The following PALM2AKAP2 variants were observed in gnomAD, a reference collection of about 807,000 sequenced individuals.
The protein encoded by PALM2AKAP2 is PALM2 and AKAP2 fusion, also known as PALM2-AKAP2 fusion protein.
A neutral mutation model predicts 71.5 loss-of-function variants in PALM2AKAP2; 37 were observed. The ratio of observed to expected loss-of-function variants is 0.52; its 90% CI spans 0.40 to 0.68. The LOEUF (loss-of-function observed/expected upper bound fraction) is 0.68, where lower values mean the gene tolerates loss of function less well. Ranked by LOEUF, PALM2AKAP2 falls within the 30% of genes least tolerant of loss-of-function variation. The pLI, the probability that PALM2AKAP2 is intolerant of heterozygous loss-of-function variation, is 0.00. For missense variants in PALM2AKAP2, 1,224 were observed against 1,191.8 expected, an observed-to-expected ratio of 1.03 and a Z score of -0.40; for synonymous variants, 468 against 478.8, an observed-to-expected ratio of 0.98 and a Z score of 0.29.
intron 1 of PALM2AKAP2, among the ~76,000 whole-genome samples, chr9:109,706,277 G>T (rs1032412931): frequency 2.0e-5 from 3 of 152,198 alleles, no homozygotes; most frequent in African/African-American, 7.2e-5. Context: ...TAATAATGAT[G>T]ATGATGGTAG....
At chr9:109,985,614 C>T (rs1333664890) in intron 6 of PALM2AKAP2, among the ~76,000 whole-genome samples, 3 of 73,796 alleles carry the variant, frequency 4.1e-5, no homozygotes, top group Admixed American at 1.6e-4. Context: ...AACGAGACTC[C>T]GTCTCAAAAA....
At chr9:109,687,654 G>A (rs1827823898) in intron 1 of PALM2AKAP2, among the ~76,000 whole-genome samples, 1 of 152,184 alleles carries the variant, frequency 6.6e-6, no homozygotes, top group Non-Finnish European at 1.5e-5. Context: ...CTTGATATCA[G>A]CAATAAGACT....
At chr9:109,842,741 G>A (rs180951407) in intron 1 of PALM2AKAP2, among the ~76,000 whole-genome samples, 1 of 152,278 alleles carries the variant, frequency 6.6e-6, no homozygotes, top group Admixed American at 6.5e-5. Flanking sequence ...AAGGTCAGGT[G>A]CAGTGGCTCA....
intron 6 of PALM2AKAP2, among the ~76,000 whole-genome samples, chr9:109,960,049 C>G (rs574264095): frequency 2.6e-5 from 4 of 152,160 alleles, no homozygotes; most frequent in African/African-American, 7.2e-5. Flanking sequence ...TCCATCACCC[C>G]CCTCCGCGAA....
chr9:109,839,810 A>G (rs1283767582), intron 1 of PALM2AKAP2, among the ~76,000 whole-genome samples: 1 of 152,228 alleles, frequency 6.6e-6, no homozygotes, highest in Non-Finnish European at 1.5e-5. Flanking sequence ...CTTACAAGGG[A>G]TGTGAAGGAC....
chr9:109,985,940 G>A (rs529433155), intron 6 of PALM2AKAP2, among the ~76,000 whole-genome samples: 1 of 152,220 alleles, frequency 6.6e-6, no homozygotes, highest in South Asian at 2.1e-4. Flanking sequence ...ATGAGCCACT[G>A]CACCCGGCCT....
At chr9:110,083,809 T>C (rs1451821773) in intron 1 of PALM2AKAP2, among the ~76,000 whole-genome samples, 2 of 152,250 alleles carry the variant, frequency 1.3e-5, no homozygotes, top group Non-Finnish European at 2.9e-5. Flanking sequence ...ATTTTAAAAC[T>C]AGAATTGTAT....
chr9:110,166,716 G>A (rs568264151), intron 3 of PALM2AKAP2, among the ~76,000 whole-genome samples: 1 of 152,298 alleles, frequency 6.6e-6, no homozygotes, highest in African/African-American at 2.4e-5. Flanking sequence ...AGGCTTCACA[G>A]AGGAAGATAT....
intron 6 of PALM2AKAP2, among the ~76,000 whole-genome samples, chr9:109,963,770 A>G (rs1311300109): frequency 6.6e-6 from 1 of 152,174 alleles, no homozygotes; most frequent in African/African-American, 2.4e-5. Context: ...CAGAACTCAC[A>G]TGGGCCTCTT....
chr9:109,786,240 G>A (rs554994638), intron 1 of PALM2AKAP2, among the ~76,000 whole-genome samples: 4 of 152,268 alleles, frequency 2.6e-5, no homozygotes, highest in East Asian at 1.9e-4. Context: ...CTTTTAGGCC[G>A]ACCTGCACAG....
At chr9:109,698,307 C>T (rs564027960) in intron 1 of PALM2AKAP2, among the ~76,000 whole-genome samples, 13 of 113,460 alleles carry the variant, frequency 1.1e-4, no homozygotes, top group Admixed American at 2.3e-4. Context: ...GACGGAGTTT[C>T]GCTTTTGTCA....
rs1834968747 is a variant in PALM2AKAP2, at chr9:110,100,418, C to T, written c.157-35709C>T. 1.3e-5 allele frequency among the ~76,000 whole-genome samples: 2 copies of T among 152,044 alleles called. 1 individual carries two copies. The highest frequency in any genetic ancestry group is 4.1e-4 in the South Asian group (2 of 4,822). ...AAGCAACAGAGGTGGCTTATCATAGCAATGCAAAAGCCTTTAATGAAAAAT... is the reference window on the plus strand; with the variant it reads ...AAGCAACAGAGGTGGCTTATCATAGTAATGCAAAAGCCTTTAATGAAAAAT... On this transcript the variant is annotated intron_variant, in intron 1 of 3. Coordinates refer to ENST00000374525, the Ensembl canonical transcript of PALM2AKAP2.
chr9:110,001,981 C>G (rs1832690015), intron 6 of PALM2AKAP2, among the ~76,000 whole-genome samples: 2 of 152,180 alleles, frequency 1.3e-5, no homozygotes. Flanking sequence ...TTGACTTCCT[C>G]TTTTCCTAAT....
intron 3 of PALM2AKAP2, among the ~76,000 whole-genome samples, chr9:109,902,791 C>A (rs147127206): frequency 1.7e-3 from 253 of 152,244 alleles, no homozygotes; most frequent in African/African-American, 6.0e-3. Flanking sequence ...TACATATGAC[C>A]GACGCCTGCT....
chr9:109,896,016 T>C (rs1323672787), intron 3 of PALM2AKAP2, among the ~76,000 whole-genome samples: 1 of 152,030 alleles, frequency 6.6e-6, no homozygotes, highest in African/African-American at 2.4e-5. Flanking sequence ...AAACCCCGTC[T>C]CTACTAAAAA....
At chr9:109,831,479 G>T (rs1828300349) in intron 1 of PALM2AKAP2, among the ~76,000 whole-genome samples, 1 of 152,212 alleles carries the variant, frequency 6.6e-6, no homozygotes, top group Admixed American at 6.5e-5. Context: ...TACCTATTCA[G>T]TGAAGCCAGA....
chr9:110,130,479 G>A (rs922025214), intron 1 of PALM2AKAP2, among the ~76,000 whole-genome samples: 1 of 152,144 alleles, frequency 6.6e-6, no homozygotes, highest in Admixed American at 6.5e-5. Context: ...ACACTTTTTG[G>A]TAAATAAAGG....
chr9:109,806,059 G>C (rs1215110714), intron 1 of PALM2AKAP2, among the ~76,000 whole-genome samples: 1 of 152,190 alleles, frequency 6.6e-6, no homozygotes, highest in Non-Finnish European at 1.5e-5. Flanking sequence ...TTACATATCT[G>C]ATTTCCTCAC....
chr9:109,700,169 C>A (rs1828031913), intron 1 of PALM2AKAP2, among the ~76,000 whole-genome samples: 1 of 152,044 alleles, frequency 6.6e-6, no homozygotes, highest in African/African-American at 2.4e-5. Flanking sequence ...TTGGCTGTGT[C>A]CCCACCCAAA....
Sources: gnomAD v4.1 joint callset for allele counts (sites outside exome capture counted in the v4.1 genomes callset) on GRCh38, gnomAD v4.1.1 for gene constraint, MANE v1.5 for transcripts, NCBI Gene and HGNC (gene_info 2026-07-23, HGNC 2026-07-21) for gene names.